RNF152: variants seen among roughly 807,000 people sequenced by gnomAD.
The protein encoded by RNF152 is ring finger protein 152.
A neutral mutation model predicts 12.7 loss-of-function variants in RNF152; 11 were observed. That is an observed-to-expected ratio of 0.86 (90% confidence interval 0.54 to 1.43). The LOEUF (loss-of-function observed/expected upper bound fraction) is 1.43, where lower values mean the gene tolerates loss of function less well. Ranked by LOEUF, RNF152 falls within the 40% of genes most tolerant of loss-of-function variation. The pLI, the probability that RNF152 is intolerant of heterozygous loss-of-function variation, is 0.00. For synonymous variants in RNF152, 113 were observed against 120.3 expected, an observed-to-expected ratio of 0.94 and a Z score of 0.40; for missense variants, 255 against 274.8, an observed-to-expected ratio of 0.93 and a Z score of 0.51.
rs1228558395 is a variant in RNF152, at chr18:61,814,939, GC to G, written c.*912del. 1 of 152,338 alleles carries G rather than the reference GC, an allele frequency of 6.6e-6. No individual in the cohort carries two copies. The highest frequency in any genetic ancestry group is 1.5e-5 in the Non-Finnish European group (1 of 68,040). 9.4% of individuals were successfully genotyped at this position (152,338 alleles called of 1,614,324 possible). A position where few individuals can be genotyped will look rare whatever the true frequency, so the allele number is the denominator to read the frequency against. ...GCTGGGTCAAGATGTCCAAGAAGTG[GC>G]CACCGCTTCAGAGACTTGACTCATT... is the stretch of plus-strand genomic sequence containing the variant. On this transcript the variant is annotated 3_prime_UTR_variant, in exon 2 of 2. Transcript: ENST00000312828.
In RNF152 at chr18:61,815,799, A is replaced by C. The variant is rs1432380117; in HGVS notation, c.*53T>G. ...ATCTTCTCACTGGGATCTCATCATC[A>C]ACCTGCTCAACCCCTAAGTTGGCAC... On this transcript the variant is annotated 3_prime_UTR_variant, in exon 2 of 2. Transcript: ENST00000312828. The C allele has an allele frequency of 1.3e-6, 2 of 1,579,454 alleles. No individual in the cohort carries two copies. Among genetic ancestry groups the C allele is most frequent in the Non-Finnish European group, 1.7e-6 (2 of 1,159,062 alleles).
At chr18:61,840,349 T>C (rs1024427269) in intron 1 of RNF152, among the ~76,000 whole-genome samples, 9 of 152,210 alleles carry the variant, frequency 5.9e-5, no homozygotes, top group African/African-American at 1.7e-4. Context: ...TCTCACGAAG[T>C]AGGCAAGCCT....
chr18:61,888,494 C>A (rs1423176734), intron 1 of RNF152: 3 of 152,154 alleles, frequency 2.0e-5, no homozygotes. Flanking sequence ...ATACAGTATT[C>A]AATAAACTAC....
chr18:61,876,455 C>CA (rs528389072), intron 1 of RNF152, among the ~76,000 whole-genome samples: 8 of 150,372 alleles, frequency 5.3e-5, no homozygotes, highest in Non-Finnish European at 8.9e-5. Flanking sequence ...ACTCAGCCCA[C>CA]AAAAAAAAAT....
intron 1 of RNF152, among the ~76,000 whole-genome samples, chr18:61,839,123 A>G (rs1910326238): frequency 6.6e-6 from 1 of 151,950 alleles, no homozygotes; most frequent in African/African-American, 2.4e-5. Flanking sequence ...TGCAGGCCTG[A>G]GGTCCCGTTA....
chr18:61,871,014 C>T (rs918576207), intron 1 of RNF152, among the ~76,000 whole-genome samples: 2 of 152,192 alleles, frequency 1.3e-5, no homozygotes, highest in African/African-American at 4.8e-5. Flanking sequence ...GCACCTGCTT[C>T]CCAGAGAGGC....
At chr18:61,824,668 G>A (rs1218777567) in intron 1 of RNF152, among the ~76,000 whole-genome samples, 1 of 152,188 alleles carries the variant, frequency 6.6e-6, no homozygotes, top group Non-Finnish European at 1.5e-5. Flanking sequence ...CCCAGATGAA[G>A]AAAGATATTC....
intron 1 of RNF152, among the ~76,000 whole-genome samples, chr18:61,842,838 C>A (rs145008203): frequency 6.6e-6 from 1 of 152,278 alleles, no homozygotes; most frequent in East Asian, 1.9e-4. Context: ...CTCAGGAAAC[C>A]CATTCACTAT....
At chr18:61,873,699 T>C (rs1031870920) in intron 1 of RNF152, among the ~76,000 whole-genome samples, 2 of 152,182 alleles carry the variant, frequency 1.3e-5, no homozygotes, top group African/African-American at 2.4e-5. Flanking sequence ...CACCACCATT[T>C]GTTTCTTTTT....
intron 1 of RNF152, among the ~76,000 whole-genome samples, chr18:61,891,020 G>A (rs1337525549): frequency 1.3e-5 from 2 of 152,090 alleles, no homozygotes; most frequent in African/African-American, 4.8e-5. Flanking sequence ...TTAGAATCAG[G>A]TCTTCCTATA....
chr18:61,869,755 G>A (rs563704020), intron 1 of RNF152, among the ~76,000 whole-genome samples: 21 of 152,198 alleles, frequency 1.4e-4, no homozygotes, highest in Admixed American at 1.1e-3. Flanking sequence ...ACACACACAC[G>A]CACGCACACA....
chr18:61,893,989 G>A (rs1913098361), upstream of RNF152, among the ~76,000 whole-genome samples: 1 of 150,178 alleles, frequency 6.7e-6, no homozygotes, highest in Non-Finnish European at 1.5e-5. Context: ...CCCCCTCCGC[G>A]GTCCAGAAGA....
intron 1 of RNF152, among the ~76,000 whole-genome samples, chr18:61,875,488 T>C (rs1314815750): frequency 1.3e-5 from 2 of 152,202 alleles, no homozygotes; most frequent in Admixed American, 6.5e-5. Context: ...TGCCTTTACA[T>C]GGTCAGCTCT....
In RNF152 at chr18:61,811,810, T is replaced by C. The variant is rs1301464195; in HGVS notation, c.*4042A>G. 6.6e-6 allele frequency: 1 copy of C among 152,226 alleles called. No homozygotes were observed. The highest frequency in any genetic ancestry group is 2.4e-5 in the African/African-American group (1 of 41,464). The allele number at this position is 152,226 out of a possible 1,614,324, so 9.4% of individuals were successfully genotyped here. A position where few individuals can be genotyped will look rare whatever the true frequency, so the allele number is the denominator to read the frequency against. On this transcript the variant is annotated 3_prime_UTR_variant, in exon 2 of 2. Transcript: ENST00000312828. Reference sequence around the variant, plus strand: ...ACAATTTCACAGTACAGATCATGCATAGCTTGCAAGTCAAACGTTTTACAG... The same window carrying C: ...ACAATTTCACAGTACAGATCATGCACAGCTTGCAAGTCAAACGTTTTACAG...
At chr18:61,858,014 T>C (rs752389069) in intron 1 of RNF152, among the ~76,000 whole-genome samples, 6 of 152,204 alleles carry the variant, frequency 3.9e-5, no homozygotes, top group Non-Finnish European at 8.8e-5. Flanking sequence ...TCTATTAAAA[T>C]AAATGAAGCA....
intron 1 of RNF152, among the ~76,000 whole-genome samples, chr18:61,886,655 G>A (rs1338013335): frequency 6.6e-6 from 1 of 152,122 alleles, no homozygotes; most frequent in African/African-American, 2.4e-5. Context: ...TAACTGGAAG[G>A]GTCCCATTCA....
intron 1 of RNF152, among the ~76,000 whole-genome samples, chr18:61,859,425 G>A (rs1911364199): frequency 6.6e-6 from 1 of 152,194 alleles, no homozygotes; most frequent in Non-Finnish European, 1.5e-5. Flanking sequence ...ATAATTGCAA[G>A]GCTAAGGGTT....
intron 1 of RNF152, among the ~76,000 whole-genome samples, chr18:61,883,502 G>C (rs1257599230): frequency 3.3e-5 from 5 of 152,070 alleles, no homozygotes; most frequent in African/African-American, 1.2e-4. Context: ...TTGTAGGATG[G>C]TTGTATCTCT....
chr18:61,854,858 C>T (rs554885359), intron 1 of RNF152, among the ~76,000 whole-genome samples: 1 of 152,254 alleles, frequency 6.6e-6, no homozygotes, highest in African/African-American at 2.4e-5. Context: ...GTGAAAATAG[C>T]AGGCGGAAAA....
Sources: gnomAD v4.1 joint callset for allele counts (sites outside exome capture counted in the v4.1 genomes callset) on GRCh38, gnomAD v4.1.1 for gene constraint, MANE v1.5 for transcripts, NCBI Gene and HGNC (gene_info 2026-07-23, HGNC 2026-07-21) for gene names.